RAB6B: variants seen among roughly 807,000 people sequenced by gnomAD.
The protein encoded by RAB6B is RAB6B, member RAS oncogene family.
In RAB6B, 7 loss-of-function variants were observed where a neutral mutation model predicts 31.2. The ratio of observed to expected loss-of-function variants is 0.22; its 90% CI spans 0.13 to 0.42. The LOEUF is 0.42. Among genes scored for constraint, RAB6B ranks in the 10% least tolerant of loss-of-function variants. RAB6B has a pLI of 1.00. For missense variants in RAB6B, 149 were observed against 280.6 expected, an observed-to-expected ratio of 0.53 and a Z score of 3.35; for synonymous variants, 105 against 104.9, an observed-to-expected ratio of 1.00 and a Z score of -0.01.
chr3:133,870,889 G>A (rs1311369410), intron 1 of RAB6B, among the ~76,000 whole-genome samples: 3 of 152,192 alleles, frequency 2.0e-5, no homozygotes, highest in African/African-American at 7.2e-5. Flanking sequence ...GAGGAGCTTG[G>A]TCCCATGTAC....
At chr3:133,858,339 A>G (rs1880665) in intron 2 of RAB6B, among the ~76,000 whole-genome samples, 41,763 of 152,220 alleles carry the variant, frequency 0.27, 6,038 homozygotes, top group African/African-American at 0.37. Flanking sequence ...CTGTAAAAAT[A>G]TAATTCTTAA....
intron 1 of RAB6B, among the ~76,000 whole-genome samples, chr3:133,879,144 G>A (rs1936433483): frequency 6.6e-6 from 1 of 152,218 alleles, no homozygotes. Flanking sequence ...TGAATTCTAT[G>A]AAAGCAGTAA....
At chr3:133,871,438 G>A (rs1936322346) in intron 1 of RAB6B, among the ~76,000 whole-genome samples, 1 of 152,234 alleles carries the variant, frequency 6.6e-6, no homozygotes, top group Non-Finnish European at 1.5e-5. Flanking sequence ...ACAGTCATGT[G>A]AGGCTGAGAT....
At chr3:133,840,077 G>T (rs887425870) in intron 4 of RAB6B, among the ~76,000 whole-genome samples, 1 of 152,092 alleles carries the variant, frequency 6.6e-6, no homozygotes, top group Admixed American at 6.5e-5. Flanking sequence ...CTCTAGGGAA[G>T]GAAGGGCCCT....
chr3:133,832,412 C>T (rs1227740441), intron 7 of RAB6B, among the ~76,000 whole-genome samples: 1 of 152,060 alleles, frequency 6.6e-6, no homozygotes, highest in East Asian at 1.9e-4. Context: ...AAGCAGCAGA[C>T]GGAAACCTCA....
chr3:133,838,384 C>A (rs990774332), intron 5 of RAB6B, 125 bp from the exon 6 acceptor site: 6 of 843,464 alleles, frequency 7.1e-6, no homozygotes, highest in Non-Finnish European at 1.2e-5. Flanking sequence ...TGAAGACAGG[C>A]TCTGATCCCA....
intron 7 of RAB6B, among the ~76,000 whole-genome samples, chr3:133,831,228 A>AT (rs1935651945): frequency 6.6e-6 from 1 of 152,154 alleles, no homozygotes; most frequent in Non-Finnish European, 1.5e-5. Flanking sequence ...AGATGTGGGG[A>AT]TGGGCCCCAG....
chr3:133,885,820 A>G (rs1305027078), intron 1 of RAB6B, among the ~76,000 whole-genome samples: 1 of 152,154 alleles, frequency 6.6e-6, no homozygotes, highest in African/African-American at 2.4e-5. Context: ...GAAAATATAC[A>G]TCTGCAGTGG....
At chr3:133,856,169 G>A (rs1936073430) in intron 2 of RAB6B, among the ~76,000 whole-genome samples, 1 of 152,042 alleles carries the variant, frequency 6.6e-6, no homozygotes, top group Non-Finnish European at 1.5e-5. Context: ...CTTCATTTAT[G>A]CCACTGTTCA....
At chr3:133,855,915 A>G (rs1936069089) in intron 2 of RAB6B, among the ~76,000 whole-genome samples, 1 of 152,170 alleles carries the variant, frequency 6.6e-6, no homozygotes, top group Non-Finnish European at 1.5e-5. Context: ...GGTGTGACTC[A>G]ATTCTGGCCA....
In RAB6B at chr3:133,882,676, C is replaced by T. The variant is rs1936485162; in HGVS notation, c.70+12721G>A. ...CCAGTTCTCCCACATCACACCCAGC[C>T]CTCCCCCAGGCAGAGGTGGAAGGAC... On this transcript the variant is annotated intron_variant, in intron 1 of 7. Coordinates refer to ENST00000285208, the MANE Select transcript of RAB6B (RefSeq NM_016577.4). Among the ~76,000 whole-genome samples the T allele has an allele frequency of 5.3e-5, 8 of 152,226 alleles. 1 individual carries two copies. The highest frequency in any genetic ancestry group is 5.2e-4 in the Admixed American group (8 of 15,276).
rs912614176 is a variant in RAB6B, at chr3:133,836,223, G to A, written c.496-1582C>T. On this transcript the variant is annotated intron_variant, in intron 6 of 7. Coordinates refer to ENST00000285208, the MANE Select transcript of RAB6B (RefSeq NM_016577.4). ...CCCTTGTGGGCGGGCTGCAGAGGAG[G>A]CTCTGCAGTGGGGTAGCCATTAGTA... 2.0e-5 allele frequency among the ~76,000 whole-genome samples: 3 copies of A among 152,154 alleles called. No individual in the cohort carries two copies. The East Asian group carries it at 5.8e-4, about 29-fold the overall frequency.
chr3:133,892,908 T>C (rs1432906171), intron 1 of RAB6B, among the ~76,000 whole-genome samples: 1 of 152,114 alleles, frequency 6.6e-6, no homozygotes, highest in African/African-American at 2.4e-5. Flanking sequence ...TGACTCCCCA[T>C]CCCATAAGGC....
chr3:133,864,499 T>C, intron 2 of RAB6B, 85 bp downstream of exon 2: 1 of 1,405,608 alleles, frequency 7.1e-7, no homozygotes, highest in Non-Finnish European at 1.0e-6. Flanking sequence ...CCCAGGGCCA[T>C]TCCACTCCCA....
At chr3:133,887,448 G>A (rs999253374) in intron 1 of RAB6B, among the ~76,000 whole-genome samples, 7 of 152,166 alleles carry the variant, frequency 4.6e-5, no homozygotes, top group African/African-American at 1.7e-4. Context: ...ACAGTTCTGG[G>A]GGCAACAGTC....
At chr3:133,834,757 C>A in intron 6 of RAB6B, 116 bp from the exon 7 acceptor site, 4 of 971,096 alleles carry the variant, frequency 4.1e-6, no homozygotes, top group Non-Finnish European at 4.9e-6. Context: ...ACTCTCCCAT[C>A]TGCCCAGCGG....
rs1184995367 is a variant in RAB6B, at chr3:133,825,968, T to TAACA, written c.*2816_*2819dup. 2.0e-5 allele frequency: 3 copies of TAACA among 152,228 alleles called. No individual in the cohort carries two copies. Among genetic ancestry groups the TAACA allele is most frequent in the African/African-American group, 7.2e-5 (3 of 41,442 alleles). 9.4% of individuals were successfully genotyped at this position (152,228 alleles called of 1,614,324 possible). ...CCATGACATCTTCTTCAAGAGCACC[T>TAACA]AACAGTTTATTATGGAACCTTAACT... On this transcript the variant is annotated 3_prime_UTR_variant, in exon 8 of 8. Transcript: ENST00000285208.
At chr3:133,846,187 C>T (rs1935906498) in intron 2 of RAB6B, among the ~76,000 whole-genome samples, 1 of 152,208 alleles carries the variant, frequency 6.6e-6, no homozygotes, top group African/African-American at 2.4e-5. Flanking sequence ...TGGCTCATGC[C>T]TGTAATCCTA....
At chr3:133,845,070 T>A (rs1935888618) in intron 2 of RAB6B, among the ~76,000 whole-genome samples, 1 of 152,164 alleles carries the variant, frequency 6.6e-6, no homozygotes, top group Middle Eastern at 3.4e-3. Flanking sequence ...TAAAAGAACT[T>A]CAAAAACACC....
Sources: gnomAD v4.1 joint callset for allele counts (sites outside exome capture counted in the v4.1 genomes callset) on GRCh38, gnomAD v4.1.1 for gene constraint, MANE v1.5 for transcripts, NCBI Gene and HGNC (gene_info 2026-07-23, HGNC 2026-07-21) for gene names.